Variants in ADGRB3 observed in about 807,000 individuals in gnomAD.
The protein encoded by ADGRB3 is adhesion G protein-coupled receptor B3, also known as brain-specific angiogenesis inhibitor 3.
A neutral mutation model predicts 193.4 loss-of-function variants in ADGRB3; 37 were observed. The ratio of observed to expected loss-of-function variants is 0.19; its 90% CI spans 0.15 to 0.25. The LOEUF (loss-of-function observed/expected upper bound fraction) is 0.25. Among genes scored for constraint, ADGRB3 ranks in the 10% least tolerant of loss-of-function variants. ADGRB3 has a pLI of 1.00. For missense variants in ADGRB3, 1,637 were observed against 1,852.9 expected, an observed-to-expected ratio of 0.88 and a Z score of 2.14; for synonymous variants, 690 against 644.2, an observed-to-expected ratio of 1.07 and a Z score of -1.08.
intron 17 of ADGRB3, among the ~76,000 whole-genome samples, chr6:69,118,132 G>A (rs542061395): frequency 1.1e-3 from 169 of 152,254 alleles, no homozygotes; most frequent in Middle Eastern, 0.01. Flanking sequence ...TGAGAAAGTA[G>A]CCGGTTCCCA....
chr6:69,090,087 T>A (rs1772663433), intron 17 of ADGRB3, among the ~76,000 whole-genome samples: 1 of 152,240 alleles, frequency 6.6e-6, no homozygotes, highest in African/African-American at 2.4e-5. Flanking sequence ...CACATTAAAT[T>A]TGAGAATCAT....
chr6:68,855,798 C>T (rs1027780438), intron 3 of ADGRB3, among the ~76,000 whole-genome samples: 5 of 152,084 alleles, frequency 3.3e-5, no homozygotes, highest in Admixed American at 6.5e-5. Context: ...GCAGGAAGAT[C>T]GCTTGAGTCC....
intron 3 of ADGRB3, among the ~76,000 whole-genome samples, chr6:68,832,473 T>C: frequency 6.6e-6 from 1 of 152,196 alleles, no homozygotes; most frequent in Non-Finnish European, 1.5e-5. Flanking sequence ...TTAATTTGCC[T>C]CTAGACCCAA....
At chr6:69,065,758 T>TACACAC (rs1491430136) in intron 16 of ADGRB3, among the ~76,000 whole-genome samples, 27 of 102,842 alleles carry the variant, frequency 2.6e-4, no homozygotes, top group South Asian at 1.4e-3. Flanking sequence ...ACTTCATGTA[T>TACACAC]ATATATACAC....
intron 20 of ADGRB3, among the ~76,000 whole-genome samples, chr6:69,239,604 T>C (rs144407918): frequency 1.9e-4 from 29 of 152,142 alleles, no homozygotes; most frequent in Non-Finnish European, 3.8e-4. Context: ...TATTAACATA[T>C]TGATTCCTAA....
At chr6:69,060,902 A>T (rs1444770650) in intron 15 of ADGRB3, among the ~76,000 whole-genome samples, 1 of 152,038 alleles carries the variant, frequency 6.6e-6, no homozygotes, top group African/African-American at 2.4e-5. Flanking sequence ...ACCACCCAGG[A>T]TCACCTCTCA....
At chr6:68,879,462 T>G (rs1412646614) in intron 3 of ADGRB3, among the ~76,000 whole-genome samples, 27 of 152,006 alleles carry the variant, frequency 1.8e-4, no homozygotes, top group Admixed American at 1.8e-3. Context: ...TCTCCTGACC[T>G]CGTGATCCGC....
intron 15 of ADGRB3, among the ~76,000 whole-genome samples, chr6:69,058,702 C>T (rs963548182): frequency 1.3e-4 from 19 of 151,886 alleles, no homozygotes; most frequent in African/African-American, 4.1e-4. Context: ...TTCTTTGATC[C>T]GCTGGTTGTT....
At chr6:68,882,140 T>C (rs530856248) in intron 3 of ADGRB3, among the ~76,000 whole-genome samples, 1 of 152,310 alleles carries the variant, frequency 6.6e-6, no homozygotes, top group East Asian at 1.9e-4. Flanking sequence ...TATTCTCTAA[T>C]GCTTTTTCTA....
At chr6:69,361,608 C>G (rs1001646852) in intron 29 of ADGRB3, 96 bp downstream of exon 29, 43 of 1,362,986 alleles carry the variant, frequency 3.2e-5, no homozygotes, top group Non-Finnish European at 4.0e-5. Flanking sequence ...TGATGTGACA[C>G]TGGTGTGGGA....
intron 3 of ADGRB3, among the ~76,000 whole-genome samples, chr6:68,661,498 T>C (rs1437364227): frequency 1.6e-5 from 2 of 121,962 alleles, no homozygotes; most frequent in African/African-American, 6.1e-5. Context: ...TATATGTGTG[T>C]ATACATATAT....
At chr6:68,722,023 T>A (rs1322520807) in intron 3 of ADGRB3, among the ~76,000 whole-genome samples, 1 of 151,724 alleles carries the variant, frequency 6.6e-6, no homozygotes, top group Middle Eastern at 3.2e-3. Flanking sequence ...ATTCTACAGT[T>A]GTGTCTACAT....
chr6:68,813,242 G>A (rs1767555728), intron 3 of ADGRB3, among the ~76,000 whole-genome samples: 1 of 152,076 alleles, frequency 6.6e-6, no homozygotes, highest in African/African-American at 2.4e-5. Context: ...TTGACCCTCT[G>A]CCATGATTGT....
At chr6:69,284,031 G>A (rs1421836799) in intron 20 of ADGRB3, among the ~76,000 whole-genome samples, 1 of 152,096 alleles carries the variant, frequency 6.6e-6, no homozygotes, top group East Asian at 1.9e-4. Context: ...GCCCTGGAAC[G>A]ATGCCTCTTT....
Position 69,063,018 on chromosome 6 carries a change from A to G in ADGRB3, c.2418A>G (p.Glu806=). Reference sequence around the variant, plus strand: ...CAACCGATTCGTTTCTGGAGATAGAACTAGCTCATTTGGCTAATGTAAGTA... The same window carrying G: ...CAACCGATTCGTTTCTGGAGATAGAGCTAGCTCATTTGGCTAATGTAAGTA... ...PKTTDSFLEI[E]LAHLANGTLN... The change falls in exon 16 of 32, where the codon GAA becomes GAG. Residue 806 remains glutamate (E), a synonymous_variant. Transcript: ENST00000370598. The G allele has an allele frequency of 6.2e-7, 1 of 1,611,772 alleles. No homozygotes were observed. The highest frequency in any genetic ancestry group is 8.5e-7 in the Non-Finnish European group (1 of 1,178,360).
intron 6 of ADGRB3, among the ~76,000 whole-genome samples, chr6:68,952,213 G>A (rs969321220): frequency 3.3e-5 from 5 of 151,032 alleles, no homozygotes; most frequent in East Asian, 1.9e-4. Flanking sequence ...ATGGGGCTGC[G>A]GCCCATAAAA....
At chr6:69,132,656 T>C (rs1325251419) in intron 17 of ADGRB3, among the ~76,000 whole-genome samples, 1 of 152,230 alleles carries the variant, frequency 6.6e-6, no homozygotes, top group Non-Finnish European at 1.5e-5. Context: ...TATTTTGGCT[T>C]TTGTTGCCAT....
intron 3 of ADGRB3, among the ~76,000 whole-genome samples, chr6:68,871,576 G>A (rs1474296421): frequency 6.6e-6 from 1 of 151,884 alleles, no homozygotes; most frequent in Non-Finnish European, 1.5e-5. Flanking sequence ...TTTAACATGT[G>A]TGTTCCCAAA....
intron 5 of ADGRB3, among the ~76,000 whole-genome samples, chr6:68,940,494 A>G (rs1582332401): frequency 7.8e-6 from 1 of 128,394 alleles, no homozygotes; most frequent in African/African-American, 2.9e-5. Flanking sequence ...TGTACTCTTT[A>G]TGTACTTTAA....
Sources: allele counts gnomAD v4.1 joint callset (sites outside exome capture counted in the v4.1 genomes callset), GRCh38; gene constraint gnomAD v4.1.1; transcripts MANE v1.5; gene names NCBI Gene and HGNC (gene_info 2026-07-23, HGNC 2026-07-21).